Variants in EML6 observed in about 807,000 individuals in gnomAD.
The protein encoded by EML6 is echinoderm microtubule-associated protein-like 6.
A neutral mutation model predicts 240.1 loss-of-function variants in EML6; 154 were observed. The observed-to-expected ratio is 0.64, with a 90% CI of 0.56 to 0.73. EML6 has a LOEUF of 0.73. Ranked by LOEUF, EML6 falls within the 30% of genes least tolerant of loss-of-function variation. The pLI is 0.00. For missense variants in EML6, 2,964 were observed against 2,474.6 expected (o/e 1.20, Z -4.20); for synonymous variants, 1,148 against 899.0 (o/e 1.28, Z -4.95).
intron 2 of EML6, among the ~76,000 whole-genome samples, chr2:54,811,026 C>T (rs1187386486): frequency 6.6e-6 from 1 of 152,134 alleles, no homozygotes; most frequent in African/African-American, 2.4e-5. Context: ...CCAAGCTTGT[C>T]CTTGAGTCTC....
At chr2:54,730,204 A>T (rs1683092819) in intron 2 of EML6, among the ~76,000 whole-genome samples, 1 of 152,214 alleles carries the variant, frequency 6.6e-6, no homozygotes, top group African/African-American at 2.4e-5. Flanking sequence ...CAATGACCTG[A>T]AACAATGATC....
In EML6 at chr2:54,962,638, C is replaced by T; in HGVS notation, c.5084C>T (p.Thr1695Ile). ...GAAGGGGAGATCTGGGGCCTGGCCA[C>T]TCACCCTTCCAAGGACCTCTTCATC... ...HMEGEIWGLA[T>I]HPSKDLFISA... is the part of the protein sequence containing the mutation. The change falls in exon 36 of 42, where the codon ACT (threonine) becomes ATT (isoleucine). Residue 1695 changes from threonine (T) to isoleucine (I), a missense_variant. Coordinates refer to ENST00000356458, the MANE Select transcript of EML6 (RefSeq NM_001039753.4). The T allele has an allele frequency of 6.5e-7, 1 of 1,543,536 alleles. No homozygotes were observed. Among genetic ancestry groups the T allele is most frequent in the East Asian group, 2.5e-5 (1 of 40,370 alleles).
At chr2:54,902,363 A>G (rs1673103519) in intron 22 of EML6, among the ~76,000 whole-genome samples, 1 of 152,170 alleles carries the variant, frequency 6.6e-6, no homozygotes, top group Admixed American at 6.5e-5. Context: ...TATTTTTGAT[A>G]TTATGATCTT....
At chr2:54,901,935 A>G (rs542475044) in intron 22 of EML6, among the ~76,000 whole-genome samples, 1 of 152,242 alleles carries the variant, frequency 6.6e-6, no homozygotes, top group Non-Finnish European at 1.5e-5. Context: ...TTGTGACCCT[A>G]CAAAGGAGTA....
Position 54,847,495 on chromosome 2 carries a change from C to T in EML6, c.1059C>T (p.Ser353=). ...GSDDRSVRLW[S]LADHALIARC... Reference sequence around the variant, plus strand: ...TCGTTCTTGTGCCTAGGCTGTGGAGCCTGGCTGATCATGCCTTGATCGCCC... The same window carrying T: ...TCGTTCTTGTGCCTAGGCTGTGGAGTCTGGCTGATCATGCCTTGATCGCCC... Residue 353 remains serine (S), a synonymous_variant, in exon 9 of 42, where the codon AGC becomes AGT. Coordinates refer to ENST00000356458, the MANE Select transcript of EML6 (RefSeq NM_001039753.4). The T allele has an allele frequency of 6.4e-7, 1 of 1,551,430 alleles. No homozygotes were observed. Among genetic ancestry groups the T allele is most frequent in the Non-Finnish European group, 8.7e-7 (1 of 1,147,010 alleles).
chr2:54,889,470 T>C (rs1672339980), intron 17 of EML6, among the ~76,000 whole-genome samples: 1 of 150,122 alleles, frequency 6.7e-6, no homozygotes, highest in African/African-American at 2.5e-5. Context: ...CTTTTTAATC[T>C]TACTTATCAG....
At chr2:54,825,871 A>G (rs1349405754) in intron 5 of EML6, among the ~76,000 whole-genome samples, 1 of 152,092 alleles carries the variant, frequency 6.6e-6, no homozygotes, top group East Asian at 1.9e-4. Context: ...CAGGTGTAAA[A>G]TAGTACAATG....
At chr2:54,903,986 C>G (rs1250668220) in intron 24 of EML6, among the ~76,000 whole-genome samples, 1 of 152,202 alleles carries the variant, frequency 6.6e-6, no homozygotes, top group Non-Finnish European at 1.5e-5. Flanking sequence ...AAACTCCCAA[C>G]CTACTCCTAC....
At chr2:54,929,782 A>T (rs1674759309) in intron 28 of EML6, among the ~76,000 whole-genome samples, 2 of 152,124 alleles carry the variant, frequency 1.3e-5, no homozygotes, top group Admixed American at 1.3e-4. Context: ...TGGGTGTGCT[A>T]CTGGCAAGAA....
chr2:54,748,744 G>A (rs753052369), intron 2 of EML6, among the ~76,000 whole-genome samples: 2 of 151,984 alleles, frequency 1.3e-5, no homozygotes, highest in Non-Finnish European at 2.9e-5. Context: ...TTTTATTTTT[G>A]TAGAGACAGG....
intron 2 of EML6, among the ~76,000 whole-genome samples, chr2:54,801,763 C>T (rs1007718832): frequency 1.3e-5 from 2 of 152,134 alleles, no homozygotes; most frequent in African/African-American, 2.4e-5. Context: ...ACATCACAAA[C>T]GTGGTTATTA....
chr2:54,895,048 T>C (rs1160844642), intron 20 of EML6, 22 bp downstream of exon 20: 3 of 1,500,430 alleles, frequency 2.0e-6, no homozygotes, highest in South Asian at 2.4e-5. Flanking sequence ...AAACATGTAA[T>C]AGAGATCTTT....
rs770498465 is a variant in EML6, at chr2:54,916,802, C to T, written c.3542C>T (p.Pro1181Leu). The change falls in exon 26 of 42, where the codon CCC (proline) becomes CTC (leucine). Residue 1181 changes from proline (P) to leucine (L), a missense_variant. Coordinates refer to ENST00000356458, the MANE Select transcript of EML6 (RefSeq NM_001039753.4). The part of the protein sequence containing the change: ...EWDTWTCVLG[P>L]TCEGIWPAHS... ...GACACATGGACCTGTGTCCTGGGGC[C>T]CACCTGTGAGGGAATCTGGCCAGCA... is the stretch of plus-strand genomic sequence containing the variant. 2 of 1,543,894 alleles carry T rather than the reference C, an allele frequency of 1.3e-6. No individual in the cohort carries two copies. The highest frequency in any genetic ancestry group is 1.8e-6 in the Non-Finnish European group (2 of 1,141,142).
intron 17 of EML6, chr2:54,882,826 C>G (rs909877583): frequency 3.7e-5 from 3 of 81,674 alleles, no homozygotes; most frequent in Admixed American, 2.2e-4. Context: ...GCACTGCACT[C>G]CAGCCTAGGC....
intron 14 of EML6, 91 bp from the exon 15 acceptor site, chr2:54,869,090 C>G (rs1455463254): frequency 1.3e-6 from 1 of 799,102 alleles, no homozygotes; most frequent in African/African-American, 1.7e-5. Flanking sequence ...TACATGTTCA[C>G]GTCAATATGT....
intron 2 of EML6, among the ~76,000 whole-genome samples, chr2:54,807,221 C>T (rs1266126764): frequency 6.6e-6 from 1 of 152,014 alleles, no homozygotes; most frequent in Non-Finnish European, 1.5e-5. Context: ...CCATCTGGTT[C>T]AGCAAAGAAG....
intron 4 of EML6, among the ~76,000 whole-genome samples, chr2:54,817,094 C>G (rs1668114723): frequency 6.6e-6 from 1 of 152,070 alleles, no homozygotes; most frequent in Non-Finnish European, 1.5e-5. Context: ...ATTGTTAGTG[C>G]TTTTCATAGG....
intron 26 of EML6, 128 bp from the exon 27 acceptor site, chr2:54,928,182 CATT>C: frequency 1.3e-6 from 1 of 750,502 alleles, no homozygotes; most frequent in Non-Finnish European, 2.3e-6. Context: ...ATGGAGCTTA[CATT>C]CTAGTTGAAA....
intron 21 of EML6, among the ~76,000 whole-genome samples, chr2:54,896,937 C>T (rs1558662246): frequency 6.6e-6 from 1 of 152,184 alleles, no homozygotes; most frequent in Non-Finnish European, 1.5e-5. Flanking sequence ...GCTGGTCGTG[C>T]CTTGCAGCCA....
Sources: gnomAD v4.1 joint callset for allele counts (sites outside exome capture counted in the v4.1 genomes callset) on GRCh38, gnomAD v4.1.1 for gene constraint, MANE v1.5 for transcripts, NCBI Gene and HGNC (gene_info 2026-07-23, HGNC 2026-07-21) for gene names.